Variants in CD5L observed in about 807,000 individuals in gnomAD.
CD5L encodes the protein CD5 antigen-like.
CD5L carries 39 observed loss-of-function variants against 40.8 expected under a neutral mutation model. That is an observed-to-expected ratio of 0.96 (90% CI 0.74 to 1.25). The LOEUF is 1.25. Among genes scored for constraint, CD5L ranks in the 50% most tolerant of loss-of-function variants. The pLI is 0.00. For synonymous variants in CD5L, 192 were observed against 169.6 expected (o/e 1.13, Z -1.03); for missense variants, 433 against 435.9 (o/e 0.99, Z 0.06).
chr1:157,833,185 G>T lies in CD5L; in HGVS notation c.1039+7C>A, dbSNP rs776639294. The T allele has an allele frequency of 1.9e-6, 3 of 1,604,484 alleles. No homozygotes were observed. In the South Asian group the frequency reaches 3.3e-5, roughly 18 times the overall value. On this transcript the variant is annotated splice_region_variant and intron_variant, in intron 5 of 5. Transcript: ENST00000368174. ...CAGCCCTTATGAACTCCATCTGTAGGACTCACCTGAGCAGATGACAGCCAC... is the reference window on the plus strand; with the variant it reads ...CAGCCCTTATGAACTCCATCTGTAGTACTCACCTGAGCAGATGACAGCCAC...
At chr1:157,835,798 C>A (rs1318364024) in intron 3 of CD5L, 37 bp downstream of exon 3, 9 of 1,543,728 alleles carry the variant, frequency 5.8e-6, no homozygotes, top group South Asian at 1.2e-5. Context: ...AGGGGTATGG[C>A]AGCTGGCAAG....
chr1:157,830,428 T>C (rs961500218), downstream of CD5L, among the ~76,000 whole-genome samples: 2 of 152,176 alleles, frequency 1.3e-5, no homozygotes, highest in African/African-American at 4.8e-5. Flanking sequence ...GGACAGGCAG[T>C]GACTTAAGGA....
At chr1:157,827,458 T>C (rs752913379), downstream of CD5L, among the ~76,000 whole-genome samples, 2 of 152,180 alleles carry the variant, frequency 1.3e-5, no homozygotes, top group Non-Finnish European at 2.9e-5. Flanking sequence ...TAAGTTCTGA[T>C]CCAACTCTGA....
At chr1:157,840,462 GT>G (rs1328118984) in intron 1 of CD5L, among the ~76,000 whole-genome samples, 1 of 152,146 alleles carries the variant, frequency 6.6e-6, no homozygotes, top group Non-Finnish European at 1.5e-5. Context: ...GATTCAAGTA[GT>G]TCAGTGGTTT....
Position 157,841,770 on chromosome 1 carries a change from A to G in CD5L, c.-69T>C, listed in dbSNP as rs1354108277. On this transcript the variant is annotated 5_prime_UTR_variant, in exon 1 of 6. Coordinates refer to ENST00000368174, the MANE Select transcript of CD5L (RefSeq NM_005894.3). The stretch of plus-strand genomic sequence containing the variant: ...AGGAGGTCCCCAAGCAGCAATATTT[A>G]GTTTTAGCTGCAAGTATGTTAAGAG... 1 of 1,346,732 alleles carries G rather than the reference A, an allele frequency of 7.4e-7. No homozygotes were observed. The highest frequency in any genetic ancestry group is 2.3e-5 in the East Asian group (1 of 43,134). The allele number at this position is 1,346,732 out of a possible 1,614,324, so 83.4% of individuals were successfully genotyped here.
At chr1:157,829,640 C>A (rs1655993820), downstream of CD5L, among the ~76,000 whole-genome samples, 1 of 152,096 alleles carries the variant, frequency 6.6e-6, no homozygotes, top group South Asian at 2.1e-4. Context: ...CAATGAGAGT[C>A]TATTCATTAG....
In CD5L at chr1:157,833,302, A is replaced by C; in HGVS notation, c.929T>G (p.Leu310Arg). The C allele has an allele frequency of 1.9e-6, 3 of 1,614,180 alleles. No individual in the cohort carries two copies. Among genetic ancestry groups the C allele is most frequent in the African/African-American group, 2.7e-5 (2 of 75,030 alleles). ...CYGPGVGRIW[L>R]DNVRCSGEEQ... Reference sequence around the variant, plus strand: ...CTCCCCTGAGCAACGAACATTATCCAGCCAGATGCGGCCAACCCCAGGGCC... The same window carrying C: ...CTCCCCTGAGCAACGAACATTATCCCGCCAGATGCGGCCAACCCCAGGGCC... The change falls in exon 5 of 6, where the codon CTG becomes CGG. Residue 310 changes from leucine to arginine, a missense_variant. Physicochemically the swap from Leu to Arg is moderately radical, Grantham distance 102 (BLOSUM62 -2). Coordinates refer to ENST00000368174, the MANE Select transcript of CD5L (RefSeq NM_005894.3).
downstream of CD5L, among the ~76,000 whole-genome samples, chr1:157,827,772 C>T (rs114147410): frequency 7.0e-3 from 1,060 of 152,268 alleles, 13 homozygotes; most frequent in African/African-American, 0.024. Flanking sequence ...AATTAACCAT[C>T]ACAGGTAGTT....
Position 157,830,968 on chromosome 1 carries a change from T to C in CD5L, c.*996A>G. ...AAGTGTAAATGTGTAAATGTAGCCG[T>C]ATAATAAGTACTCAGCCTAGCCTCA... is the stretch of plus-strand genomic sequence containing the variant. On this transcript the variant is annotated 3_prime_UTR_variant, in exon 6 of 6. Coordinates refer to ENST00000368174, the MANE Select transcript of CD5L (RefSeq NM_005894.3). The C allele has an allele frequency of 1.0e-6, 1 of 985,316 alleles. No homozygotes were observed. The highest frequency in any genetic ancestry group is 1.2e-6 in the Non-Finnish European group (1 of 829,822). The allele number at this position is 985,316 out of a possible 1,614,324, so 61.0% of individuals were successfully genotyped here.
In CD5L at chr1:157,834,402, A is replaced by T; in HGVS notation, c.718+5T>A. 6.2e-7 allele frequency: 1 copy of T among 1,608,504 alleles called. No homozygotes were observed. Among genetic ancestry groups the T allele is most frequent in the Non-Finnish European group, 8.5e-7 (1 of 1,176,018 alleles). ...AAACCTAGTCTTTGGACGCACAGGC[A>T]TTACCTTCACATTCGACCCACGTGT... is the stretch of plus-strand genomic sequence containing the variant. On this transcript the variant is annotated splice_donor_5th_base_variant and intron_variant, in intron 4 of 5. Coordinates refer to ENST00000368174, the MANE Select transcript of CD5L (RefSeq NM_005894.3).
chr1:157,830,901 AGAGAGGCAATTGTT>A, exon 6 of CD5L: 1 of 971,168 alleles, frequency 1.0e-6, no homozygotes, highest in African/African-American at 1.8e-5. Context: ...CATATCACAC[AGAGAGGCAATTGTT>A]GAGACTGTGA....
chr1:157,834,597 G>T lies in CD5L; in HGVS notation c.528C>A (p.Cys176Ter). ...GWSLRAAKVV[C>*]RQLGCGRAVL... Reference sequence around the variant, plus strand: ...CAGCCCTCCCACATCCCAGCTGCCGGCACACCACCTTTGCGGCCCGGAGGC... The same window carrying T: ...CAGCCCTCCCACATCCCAGCTGCCGTCACACCACCTTTGCGGCCCGGAGGC... The change falls in exon 4 of 6, where the codon TGC becomes TGA. Residue 176 changes from cysteine to a stop codon, truncating the protein, a stop_gained. Transcript: ENST00000368174. LOFTEE classifies it high-confidence loss of function. 1.9e-6 allele frequency: 3 copies of T among 1,614,110 alleles called. No individual in the cohort carries two copies. The highest frequency in any genetic ancestry group is 2.5e-6 in the Non-Finnish European group (3 of 1,180,032).
Position 157,830,966 on chromosome 1 carries a change from C to T in CD5L, c.*998G>A, listed in dbSNP as rs568648243. The T allele has an allele frequency of 7.1e-6, 7 of 985,126 alleles. No individual in the cohort carries two copies. The highest frequency in any genetic ancestry group is 1.1e-4 in the East Asian group (1 of 8,808). The allele number at this position is 985,126 out of a possible 1,614,324, so 61.0% of individuals were successfully genotyped here. A position where few individuals can be genotyped will look rare whatever the true frequency, so the allele number is the denominator to read the frequency against. On this transcript the variant is annotated 3_prime_UTR_variant, in exon 6 of 6. Transcript: ENST00000368174. The stretch of plus-strand genomic sequence containing the variant: ...ATAAGTGTAAATGTGTAAATGTAGC[C>T]GTATAATAAGTACTCAGCCTAGCCT...
intron 1 of CD5L, among the ~76,000 whole-genome samples, chr1:157,840,345 C>T (rs1656335109): frequency 6.6e-6 from 1 of 152,120 alleles, no homozygotes; most frequent in Non-Finnish European, 1.5e-5. Flanking sequence ...CCAGGAGTCC[C>T]TGAGGCCTAT....
intron 2 of CD5L, among the ~76,000 whole-genome samples, chr1:157,837,808 C>CTCTG (rs1656260558): frequency 7.0e-6 from 1 of 141,930 alleles, no homozygotes; most frequent in Admixed American, 7.3e-5. Flanking sequence ...CAGAGTCTCA[C>CTCTG]TCTGTCGCCC....
chr1:157,841,617 C>G, intron 1 of CD5L, 57 bp downstream of exon 1: 1 of 1,521,326 alleles, frequency 6.6e-7, no homozygotes, highest in South Asian at 1.2e-5. Context: ...GAAAGTTCTC[C>G]TAATCAAAGT....
chr1:157,839,142 G>T (rs1181881030), intron 2 of CD5L, among the ~76,000 whole-genome samples: 1 of 152,180 alleles, frequency 6.6e-6, no homozygotes, highest in Non-Finnish European at 1.5e-5. Flanking sequence ...TTGGATGCTG[G>T]CCAAGTGGCC....
intron 2 of CD5L, among the ~76,000 whole-genome samples, chr1:157,838,131 T>C (rs1656270454): frequency 6.6e-6 from 1 of 152,182 alleles, no homozygotes; most frequent in Non-Finnish European, 1.5e-5. Context: ...CATGCATTTG[T>C]TTTTTAGTTT....
At chr1:157,840,806 G>C (rs1484365437) in intron 1 of CD5L, among the ~76,000 whole-genome samples, 5 of 152,196 alleles carry the variant, frequency 3.3e-5, no homozygotes, top group Non-Finnish European at 7.3e-5. Flanking sequence ...GAGCCTGGAA[G>C]ACCCAGTAGT....
Sources: allele counts gnomAD v4.1 joint callset (sites outside exome capture counted in the v4.1 genomes callset), GRCh38; gene constraint gnomAD v4.1.1; transcripts MANE v1.5; gene names NCBI Gene and HGNC (gene_info 2026-07-23, HGNC 2026-07-21).